Variants in DNM3 observed in about 807,000 individuals in gnomAD.
The protein encoded by DNM3 is dynamin 3.
DNM3 carries 47 observed loss-of-function variants against 101.6 expected under a neutral mutation model. The ratio of observed to expected loss-of-function variants is 0.46; its 90% CI spans 0.37 to 0.59. The LOEUF (loss-of-function observed/expected upper bound fraction) is 0.59. Among genes scored for constraint, DNM3 ranks in the 20% least tolerant of loss-of-function variants. The pLI, the probability that DNM3 is intolerant of heterozygous loss-of-function variation, is 0.00. For missense variants in DNM3, 849 were observed against 1,085.7 expected (o/e 0.78, Z 3.06); for synonymous variants, 385 against 387.9 (o/e 0.99, Z 0.09).
intron 11 of DNM3, among the ~76,000 whole-genome samples, chr1:172,078,323 A>T (rs986939285): frequency 1.3e-5 from 2 of 151,958 alleles, no homozygotes; most frequent in African/African-American, 4.8e-5. Context: ...CTATCTCCTC[A>T]CCTTGTGATC....
intron 14 of DNM3, among the ~76,000 whole-genome samples, chr1:172,219,431 A>G (rs530977621): frequency 6.6e-6 from 1 of 151,176 alleles, no homozygotes; most frequent in East Asian, 1.9e-4. Context: ...TCTAATATGT[A>G]AAATAGACTT....
chr1:171,867,944 C>T (rs916057576), intron 1 of DNM3, among the ~76,000 whole-genome samples: 28 of 152,132 alleles, frequency 1.8e-4, no homozygotes, highest in Admixed American at 1.7e-3. Context: ...TTTCTTATCA[C>T]TTAACATTTT....
At chr1:172,068,541 A>C (rs1164531272) in intron 10 of DNM3, among the ~76,000 whole-genome samples, 1 of 152,098 alleles carries the variant, frequency 6.6e-6, no homozygotes, top group Admixed American at 6.6e-5. Flanking sequence ...ACTCAGCAGG[A>C]GCACAGTGCT....
chr1:172,354,517 A>G (rs74752320), intron 17 of DNM3, among the ~76,000 whole-genome samples: 1 of 152,176 alleles, frequency 6.6e-6, no homozygotes. Context: ...TGCTTCTATC[A>G]CAATGAGAAA....
intron 14 of DNM3, among the ~76,000 whole-genome samples, chr1:172,182,567 A>G (rs2059387325): frequency 6.6e-6 from 1 of 152,174 alleles, no homozygotes; most frequent in Admixed American, 6.5e-5. Flanking sequence ...TACTCTGTTT[A>G]AGGACAAAAA....
chr1:172,291,273 C>T (rs538580508), intron 15 of DNM3, among the ~76,000 whole-genome samples: 2 of 102,622 alleles, frequency 1.9e-5, no homozygotes, highest in East Asian at 3.4e-4. Flanking sequence ...CATACATGTG[C>T]GTGTGTACAC....
At chr1:172,308,204 A>G (rs1026024662) in intron 15 of DNM3, among the ~76,000 whole-genome samples, 1 of 152,330 alleles carries the variant, frequency 6.6e-6, no homozygotes, top group Admixed American at 6.5e-5. Context: ...CATCATAAAT[A>G]TGCACTTCAT....
intron 14 of DNM3, 56 bp from the exon 15 acceptor site, chr1:172,253,517 C>T: frequency 8.9e-7 from 1 of 1,126,146 alleles, no homozygotes; most frequent in South Asian, 1.5e-5. Context: ...CTCCTCTCCT[C>T]TCCTCTCCTC....
At chr1:172,288,419 C>T (rs1453767918) in intron 15 of DNM3, among the ~76,000 whole-genome samples, 1 of 152,096 alleles carries the variant, frequency 6.6e-6, no homozygotes, top group Non-Finnish European at 1.5e-5. Flanking sequence ...GAATCAGGGG[C>T]CAGATCATTT....
intron 14 of DNM3, among the ~76,000 whole-genome samples, chr1:172,178,880 T>A (rs994552964): frequency 6.6e-6 from 1 of 151,922 alleles, no homozygotes. Context: ...ATAGAATAAG[T>A]CTTATTCCAG....
chr1:172,293,339 A>C (rs2586402), intron 15 of DNM3, among the ~76,000 whole-genome samples: 15,286 of 152,270 alleles, frequency 0.1, 1,069 homozygotes, highest in African/African-American at 0.2. Context: ...TCTCATCATG[A>C]GGTCCTGTTC....
At chr1:171,945,613 A>G (rs1052455370) in intron 2 of DNM3, among the ~76,000 whole-genome samples, 9 of 152,238 alleles carry the variant, frequency 5.9e-5, no homozygotes, top group Non-Finnish European at 1.0e-4. Context: ...GAGGATGAAC[A>G]GGTAGAAGTT....
downstream of DNM3, among the ~76,000 whole-genome samples, chr1:172,416,805 C>A (rs997502911): frequency 5.9e-5 from 9 of 152,146 alleles, no homozygotes; most frequent in Non-Finnish European, 1.2e-4. Context: ...ACCAGGGATA[C>A]CCATTACCTG....
chr1:172,094,731 T>A (rs2054132874), intron 13 of DNM3, among the ~76,000 whole-genome samples: 1 of 152,156 alleles, frequency 6.6e-6, no homozygotes, highest in South Asian at 2.1e-4. Flanking sequence ...AGAAAAAGTT[T>A]AAGTACAAGA....
At chr1:171,977,181 A>G (rs1342392217) in intron 2 of DNM3, among the ~76,000 whole-genome samples, 1 of 152,222 alleles carries the variant, frequency 6.6e-6, no homozygotes, top group East Asian at 1.9e-4. Flanking sequence ...AACTTAGCTG[A>G]TTATCAAGAG....
chr1:172,102,511 A>G (rs570221044), intron 13 of DNM3, among the ~76,000 whole-genome samples: 16 of 152,170 alleles, frequency 1.1e-4, no homozygotes, highest in African/African-American at 3.6e-4. Flanking sequence ...TTCTTTCCAT[A>G]TTTTTACAGC....
intron 1 of DNM3, among the ~76,000 whole-genome samples, chr1:171,871,153 A>C (rs77262902): frequency 0.014 from 2,194 of 152,312 alleles, 61 homozygotes; most frequent in African/African-American, 0.048. Context: ...GGATCAGTAC[A>C]TGTTGTCGAG....
chr1:171,857,983 A>G (rs2033792366), intron 1 of DNM3, among the ~76,000 whole-genome samples: 1 of 152,170 alleles, frequency 6.6e-6, no homozygotes. Context: ...ACCATCATCA[A>G]GTCAGGAAGA....
chr1:172,252,175 A>G (rs578257986), intron 14 of DNM3, among the ~76,000 whole-genome samples: 1 of 152,202 alleles, frequency 6.6e-6, no homozygotes, highest in Non-Finnish European at 1.5e-5. Context: ...CAGAACAGCT[A>G]TTTTGTTCTC....
Sources: gnomAD v4.1 joint callset for allele counts (sites outside exome capture counted in the v4.1 genomes callset) on GRCh38, gnomAD v4.1.1 for gene constraint, MANE v1.5 for transcripts, NCBI Gene and HGNC (gene_info 2026-07-23, HGNC 2026-07-21) for gene names.